BMP6: variants seen among roughly 807,000 people sequenced by gnomAD.
BMP6 encodes VG-1-R.
Under a neutral mutation model 54.1 loss-of-function variants are expected in BMP6, and 17 were observed. The observed-to-expected ratio is 0.31, with a 90% CI of 0.22 to 0.47. BMP6 has a LOEUF of 0.47. Ranked by LOEUF, BMP6 falls within the 20% of genes least tolerant of loss-of-function variation. BMP6 has a pLI of 1.00. For missense variants in BMP6, 720 were observed against 690.4 expected, an observed-to-expected ratio of 1.04 and a Z score of -0.48; for synonymous variants, 328 against 291.2, an observed-to-expected ratio of 1.13 and a Z score of -1.28.
At chr6:7,871,381 T>C (rs752751) in intron 4 of BMP6, among the ~76,000 whole-genome samples, 73,579 of 152,090 alleles carry the variant, frequency 0.48, 18,886 homozygotes, top group East Asian at 0.72. Context: ...AAATCTTTGG[T>C]GAGAGGAATG....
intron 1 of BMP6, among the ~76,000 whole-genome samples, chr6:7,761,087 A>G (rs1448953790): frequency 1.3e-5 from 2 of 152,216 alleles, no homozygotes; most frequent in Non-Finnish European, 2.9e-5. Context: ...ATGCGATACA[A>G]TATCCTCTTC....
At chr6:7,825,289 G>T (rs997516284) in intron 1 of BMP6, among the ~76,000 whole-genome samples, 1 of 152,072 alleles carries the variant, frequency 6.6e-6, no homozygotes, top group Admixed American at 6.5e-5. Flanking sequence ...TAAAAGAAAA[G>T]AAAAAGAGAA....
At position 7,726,202 on chromosome 6, in the gene BMP6, C is replaced by T. The variant is rs572847620; in HGVS notation, c.-754C>T. Among the ~76,000 whole-genome samples the T allele has an allele frequency of 1.2e-4, 18 of 152,310 alleles. No homozygotes were observed. The East Asian group carries it at 3.1e-3, about 26-fold the overall frequency. On this transcript the variant is annotated 5_prime_UTR_variant, in exon 1 of 7. Coordinates refer to ENST00000283147, the MANE Select transcript of BMP6 (RefSeq NM_001718.6). ...GCTGCTCGGTGCACTAGCCCCCTTC[C>T]TTCCCATCCTTTCTGCGAGCGGGTT...
rs1189341342 is a variant in BMP6 at position 7,880,576 on chromosome 6, A to G, written c.*233A>G. 16 of 580,436 alleles carry G rather than the reference A, an allele frequency of 2.8e-5. No homozygotes were observed. Among genetic ancestry groups the G allele is most frequent in the Non-Finnish European group, 3.9e-5 (13 of 331,564 alleles). 36.0% of individuals were successfully genotyped at this position (580,436 alleles called of 1,614,324 possible). A position where few individuals can be genotyped will look rare whatever the true frequency, so the allele number is the denominator to read the frequency against. On this transcript the variant is annotated 3_prime_UTR_variant, in exon 7 of 7. Transcript: ENST00000283147. ...CAAGCTGAGTTTGGATGTCTGTAGCATAAGGTCTGGTAACTGCAGAAACAT... is the reference window on the plus strand; with the variant it reads ...CAAGCTGAGTTTGGATGTCTGTAGCGTAAGGTCTGGTAACTGCAGAAACAT...
chr6:7,792,608 G>A (rs1022655651), intron 1 of BMP6, among the ~76,000 whole-genome samples: 1 of 152,272 alleles, frequency 6.6e-6, no homozygotes, highest in East Asian at 1.9e-4. Flanking sequence ...ACCCAGATGC[G>A]TCTACATATC....
At chr6:7,864,580 CT>C (rs1421998845) in intron 4 of BMP6, among the ~76,000 whole-genome samples, 1 of 152,192 alleles carries the variant, frequency 6.6e-6, no homozygotes, top group Admixed American at 6.5e-5. Flanking sequence ...GTTAATGCAA[CT>C]TCCCAAAGTA....
chr6:7,794,456 T>A (rs1351704775), intron 1 of BMP6, among the ~76,000 whole-genome samples: 1 of 152,058 alleles, frequency 6.6e-6, no homozygotes, highest in Non-Finnish European at 1.5e-5. Context: ...TAAAAATAGC[T>A]GGGTGTGGTG....
intron 2 of BMP6, among the ~76,000 whole-genome samples, chr6:7,855,040 C>T (rs970959697): frequency 2.6e-5 from 4 of 152,178 alleles, no homozygotes; most frequent in African/African-American, 9.7e-5. Context: ...ATCTCACCTG[C>T]AGTTCTGTTT....
chr6:7,811,126 T>C (rs943967711), intron 1 of BMP6, among the ~76,000 whole-genome samples: 1 of 152,244 alleles, frequency 6.6e-6, no homozygotes, highest in African/African-American at 2.4e-5. Context: ...TCAAGGCTCA[T>C]ACTCAAGGGC....
intron 1 of BMP6, among the ~76,000 whole-genome samples, chr6:7,737,167 C>G (rs1183096941): frequency 6.6e-6 from 1 of 150,748 alleles, no homozygotes; most frequent in Non-Finnish European, 1.5e-5. Context: ...GCCGGAGTGA[C>G]AAAGCGAGAC....
chr6:7,807,566 C>T (rs1303083011), intron 1 of BMP6, among the ~76,000 whole-genome samples: 1 of 151,948 alleles, frequency 6.6e-6, no homozygotes, highest in African/African-American at 2.4e-5. Flanking sequence ...GGCCTGAGCC[C>T]ACGCGCCCGG....
intron 1 of BMP6, among the ~76,000 whole-genome samples, chr6:7,796,101 C>A (rs73381635): frequency 9.2e-5 from 14 of 152,076 alleles, no homozygotes; most frequent in Admixed American, 8.5e-4. Context: ...AGGGAGAGCA[C>A]CCAGGGTGAA....
intron 1 of BMP6, among the ~76,000 whole-genome samples, chr6:7,833,955 G>T (rs966912809): frequency 2.0e-5 from 3 of 152,156 alleles, no homozygotes; most frequent in Non-Finnish European, 4.4e-5. Context: ...TGAGTGTCAC[G>T]GGCTCAGGGA....
At chr6:7,802,173 G>T (rs1758278483) in intron 1 of BMP6, among the ~76,000 whole-genome samples, 1 of 152,178 alleles carries the variant, frequency 6.6e-6, no homozygotes, top group African/African-American at 2.4e-5. Flanking sequence ...TCATCTCTTT[G>T]TGTCTGTTAT....
intron 1 of BMP6, among the ~76,000 whole-genome samples, chr6:7,835,031 G>A (rs1279430487): frequency 2.0e-5 from 3 of 152,212 alleles, no homozygotes; most frequent in African/African-American, 7.2e-5. Flanking sequence ...ACACAAGTAG[G>A]CACAAAACAC....
intron 1 of BMP6, among the ~76,000 whole-genome samples, chr6:7,821,395 C>G (rs1758608681): frequency 6.6e-6 from 1 of 152,170 alleles, no homozygotes; most frequent in Admixed American, 6.5e-5. Context: ...CTCAGAATTA[C>G]TCAACTGAGC....
intron 1 of BMP6, among the ~76,000 whole-genome samples, chr6:7,797,493 C>G (rs888438314): frequency 1.3e-4 from 20 of 152,286 alleles, no homozygotes; most frequent in Admixed American, 7.8e-4. Flanking sequence ...CAAACTGATG[C>G]TTATAAATTA....
intron 1 of BMP6, among the ~76,000 whole-genome samples, chr6:7,774,425 C>G (rs1049125083): frequency 6.6e-6 from 1 of 152,212 alleles, no homozygotes; most frequent in Non-Finnish European, 1.5e-5. Flanking sequence ...TGCTGGGCAC[C>G]TGTAATCCCA....
intron 2 of BMP6, among the ~76,000 whole-genome samples, chr6:7,849,011 G>A (rs1025979580): frequency 5.9e-5 from 9 of 152,108 alleles, no homozygotes; most frequent in African/African-American, 1.9e-4. Flanking sequence ...TACGAATTTT[G>A]CCAAGACCAA....
Sources: allele counts gnomAD v4.1 joint callset (sites outside exome capture counted in the v4.1 genomes callset), GRCh38; gene constraint gnomAD v4.1.1; transcripts MANE v1.5; gene names NCBI Gene and HGNC (gene_info 2026-07-23, HGNC 2026-07-21).